Variants in NDC1 observed in about 807,000 individuals in gnomAD.
NDC1 encodes the protein nucleoporin NDC1.
In NDC1, 24 loss-of-function variants were observed where a neutral mutation model predicts 89.8. The ratio of observed to expected loss-of-function variants is 0.27; its 90% confidence interval spans 0.19 to 0.38. The LOEUF (loss-of-function observed/expected upper bound fraction) is 0.38. Among genes scored for constraint, NDC1 ranks in the 10% least tolerant of loss-of-function variants. NDC1 has a pLI of 1.00. For missense variants in NDC1, 728 were observed against 797.6 expected (o/e 0.91, Z 1.05); for synonymous variants, 296 against 284.8 (o/e 1.04, Z -0.39).
intron 6 of NDC1, among the ~76,000 whole-genome samples, chr1:53,816,934 C>T (rs1230811532): frequency 6.6e-6 from 1 of 152,172 alleles, no homozygotes; most frequent in Non-Finnish European, 1.5e-5. Context: ...ATTAAAACCA[C>T]AATGCAATAC....
chr1:53,814,700 C>T (rs1248762501), intron 6 of NDC1, among the ~76,000 whole-genome samples: 1 of 151,982 alleles, frequency 6.6e-6, no homozygotes, highest in Non-Finnish European at 1.5e-5. Flanking sequence ...ACTGATAGAC[C>T]ATTAGCAAGA....
chr1:53,789,063 T>A, intron 15 of NDC1, 70 bp downstream of exon 15: 1 of 1,040,090 alleles, frequency 9.6e-7, no homozygotes, highest in Non-Finnish European at 1.5e-6. Flanking sequence ...AGAACTGACC[T>A]TTCATGAATT....
rs562064267 is a variant in NDC1, at chr1:53,837,199, G to T, written c.57+1006C>A. 3.3e-4 allele frequency among the ~76,000 whole-genome samples: 50 copies of T among 152,296 alleles called. 1 individual carries two copies. In the South Asian group the frequency reaches 6.0e-3, roughly 18 times the overall value. ...TGTCCCAAATAGTTAGGCGGCTGAGGCAGGAGGACTAGTTGAGCCCAGGAG... is the reference window on the plus strand; with the variant it reads ...TGTCCCAAATAGTTAGGCGGCTGAGTCAGGAGGACTAGTTGAGCCCAGGAG... On this transcript the variant is annotated intron_variant, in intron 1 of 17. Coordinates refer to ENST00000371429, the MANE Select transcript of NDC1 (RefSeq NM_018087.5).
chr1:53,806,840 A>AT (rs1385047302), intron 8 of NDC1, among the ~76,000 whole-genome samples: 13 of 152,240 alleles, frequency 8.5e-5, no homozygotes, highest in African/African-American at 3.1e-4. Context: ...TTGGATGATA[A>AT]AAACAATGTA....
At chr1:53,784,251 G>GCA (rs770460837) in intron 16 of NDC1, among the ~76,000 whole-genome samples, 13 of 116,312 alleles carry the variant, frequency 1.1e-4, no homozygotes, top group South Asian at 2.9e-4. Flanking sequence ...ACACACACAC[G>GCA]CACACACTAT....
chr1:53,818,853 T>A (rs1004492805), intron 6 of NDC1, 118 bp downstream of exon 6: 26 of 559,148 alleles, frequency 4.6e-5, no homozygotes, highest in Non-Finnish European at 7.6e-5. Flanking sequence ...ATGAATCAGT[T>A]GAGCTAATCA....
chr1:53,836,040 T>C (rs1001715145), intron 1 of NDC1, among the ~76,000 whole-genome samples: 1 of 152,228 alleles, frequency 6.6e-6, no homozygotes, highest in South Asian at 2.1e-4. Context: ...TAGCATTCTA[T>C]TCATGTTTGA....
At chr1:53,827,183 T>C (rs1255790097) in intron 4 of NDC1, among the ~76,000 whole-genome samples, 3 of 146,428 alleles carry the variant, frequency 2.0e-5, no homozygotes, top group African/African-American at 5.1e-5. Flanking sequence ...AAAAAGAAAA[T>C]CAAGTATTCA....
intron 11 of NDC1, among the ~76,000 whole-genome samples, chr1:53,798,648 G>T (rs1051447709): frequency 2.7e-5 from 4 of 150,262 alleles, no homozygotes; most frequent in Non-Finnish European, 5.9e-5. Context: ...TCCACCTCCC[G>T]AGTTCAAGCA....
At chr1:53,808,448 A>G (rs958739411) in intron 7 of NDC1, among the ~76,000 whole-genome samples, 1 of 152,222 alleles carries the variant, frequency 6.6e-6, no homozygotes, top group Non-Finnish European at 1.5e-5. Flanking sequence ...CCTCATCCAT[A>G]TAAGAGTGGC....
intron 6 of NDC1, among the ~76,000 whole-genome samples, chr1:53,813,530 A>G (rs1048180927): frequency 1.3e-5 from 2 of 152,238 alleles, no homozygotes; most frequent in African/African-American, 4.8e-5. Context: ...TAAAAGAGAC[A>G]AAGAGGGACA....
At chr1:53,781,405 T>C (rs1004586547) in intron 16 of NDC1, among the ~76,000 whole-genome samples, 1 of 152,194 alleles carries the variant, frequency 6.6e-6, no homozygotes, top group Non-Finnish European at 1.5e-5. Context: ...ATGGTAATCA[T>C]TCAAATGAAA....
intron 11 of NDC1, among the ~76,000 whole-genome samples, chr1:53,799,729 G>A (rs1358853923): frequency 2.6e-5 from 4 of 152,044 alleles, no homozygotes; most frequent in Non-Finnish European, 5.9e-5. Flanking sequence ...GTGCTCACAG[G>A]TTCACCACCA....
intron 6 of NDC1, among the ~76,000 whole-genome samples, chr1:53,812,885 C>T (rs1454637876): frequency 6.6e-6 from 1 of 152,146 alleles, no homozygotes; most frequent in Admixed American, 6.5e-5. Context: ...TAAAGGAAAA[C>T]CTATCAGATT....
chr1:53,779,630 G>C (rs1647188385), intron 16 of NDC1, among the ~76,000 whole-genome samples: 2 of 151,906 alleles, frequency 1.3e-5, no homozygotes, highest in African/African-American at 4.8e-5. Flanking sequence ...AAGGACTTGG[G>C]GTCCAAAACC....
intron 1 of NDC1, among the ~76,000 whole-genome samples, chr1:53,837,329 T>G (rs1023984431): frequency 1.3e-5 from 2 of 152,188 alleles, no homozygotes; most frequent in African/African-American, 4.8e-5. Context: ...TCTCAGCACT[T>G]TGGGAGACCG....
At chr1:53,803,233 T>A (rs1287597223) in intron 10 of NDC1, among the ~76,000 whole-genome samples, 3 of 152,044 alleles carry the variant, frequency 2.0e-5, no homozygotes, top group Non-Finnish European at 2.9e-5. Context: ...GCTGGGCTAA[T>A]TTTTTGTATT....
At chr1:53,823,980 C>T (rs1648755283) in intron 5 of NDC1, among the ~76,000 whole-genome samples, 1 of 151,902 alleles carries the variant, frequency 6.6e-6, no homozygotes, top group South Asian at 2.1e-4. Context: ...CTCAGCCAGG[C>T]ATAGTGGCTC....
chr1:53,829,461 A>T (rs1648980510), intron 3 of NDC1, among the ~76,000 whole-genome samples: 1 of 152,220 alleles, frequency 6.6e-6, no homozygotes, highest in South Asian at 2.1e-4. Context: ...GCTTGGTTTA[A>T]GGATCATCTC....
Sources: allele counts gnomAD v4.1 joint callset (sites outside exome capture counted in the v4.1 genomes callset), GRCh38; gene constraint gnomAD v4.1.1; transcripts MANE v1.5; gene names NCBI Gene and HGNC (gene_info 2026-07-23, HGNC 2026-07-21).